Variants in NFIB observed in about 807,000 individuals in gnomAD.
NFIB encodes nuclear factor 1 B-type.
NFIB carries 11 observed loss-of-function variants against 61.5 expected under a neutral mutation model. That is an observed-to-expected ratio of 0.18 (90% confidence interval 0.11 to 0.30). NFIB has a LOEUF of 0.30. Among genes scored for constraint, NFIB ranks in the 10% least tolerant of loss-of-function variants. The pLI, the probability that NFIB is intolerant of heterozygous loss-of-function variation, is 1.00. For synonymous variants in NFIB, 260 were observed against 216.5 expected (o/e 1.20, Z -1.76); for missense variants, 471 against 608.9 (o/e 0.77, Z 2.38).
intron 2 of NFIB, among the ~76,000 whole-genome samples, chr9:14,240,966 A>G (rs1369144830): frequency 2.0e-5 from 3 of 152,222 alleles, no homozygotes; most frequent in Non-Finnish European, 2.9e-5. Flanking sequence ...GCTTATTTGC[A>G]TATCAAGTTG....
Position 14,087,545 on chromosome 9 carries a change from T to C in NFIB, c.*764A>G, listed in dbSNP as rs2118446611. ...AGGCATTTCTTCCATAGAGCCTTTG[T>C]GTTCAAACTGTTTTTTTCCTTTTTT... is the stretch of plus-strand genomic sequence containing the variant. On this transcript the variant is annotated 3_prime_UTR_variant, in exon 11 of 11. Transcript: ENST00000380953. 1 of 227,896 alleles carries C rather than the reference T, an allele frequency of 4.4e-6. No homozygotes were observed. Among genetic ancestry groups the C allele is most frequent in the South Asian group, 1.8e-4 (1 of 5,486 alleles). The allele number at this position is 227,896 out of a possible 1,614,324, so 14.1% of individuals were successfully genotyped here.
chr9:14,385,607 T>C (rs1283699605), intron 1 of NFIB, among the ~76,000 whole-genome samples: 1 of 152,138 alleles, frequency 6.6e-6, no homozygotes, highest in Non-Finnish European at 1.5e-5. Context: ...CCACCAATAT[T>C]CCTAGCAACT....
chr9:14,231,129 A>T (rs1377765512), intron 2 of NFIB, among the ~76,000 whole-genome samples: 2 of 78,184 alleles, frequency 2.6e-5, no homozygotes, highest in Admixed American at 1.5e-4. Context: ...GGAAAAAAAA[A>T]AAAAAAATAT....
the NFIB span, among the ~76,000 whole-genome samples, chr9:14,509,462 G>C: frequency 6.6e-6 from 1 of 152,138 alleles, no homozygotes; most frequent in Non-Finnish European, 1.5e-5. Flanking sequence ...GAAAAACTTA[G>C]ATCTCCCATT....
the NFIB span, among the ~76,000 whole-genome samples, chr9:14,468,274 A>T: frequency 6.6e-6 from 1 of 152,242 alleles, no homozygotes; most frequent in Non-Finnish European, 1.5e-5. Flanking sequence ...TCAAACTTAA[A>T]GGTAACCAAT....
At chr9:14,147,080 C>T (rs904239835) in intron 5 of NFIB, among the ~76,000 whole-genome samples, 2 of 152,122 alleles carry the variant, frequency 1.3e-5, no homozygotes, top group African/African-American at 4.8e-5. Context: ...AAAAATTCCA[C>T]TAATAAAAAG....
chr9:14,515,983 C>T, the NFIB span, among the ~76,000 whole-genome samples: 3 of 152,248 alleles, frequency 2.0e-5, no homozygotes, highest in Admixed American at 6.5e-5. Context: ...GGCTTCCCTC[C>T]AGGGGAGCGG....
intron 3 of NFIB, among the ~76,000 whole-genome samples, chr9:14,156,207 G>C (rs574612389): frequency 6.6e-6 from 1 of 152,184 alleles, no homozygotes; most frequent in African/African-American, 2.4e-5. Flanking sequence ...GAATGCTTTT[G>C]ACTCGGTAGC....
the NFIB span, among the ~76,000 whole-genome samples, chr9:14,468,584 T>C: frequency 2.0e-5 from 3 of 152,194 alleles, no homozygotes; most frequent in South Asian, 2.1e-4. Context: ...GCAGCTCTAA[T>C]TTGCTCCTCT....
intron 1 of NFIB, among the ~76,000 whole-genome samples, chr9:14,395,838 G>A (rs2061679126): frequency 7.3e-6 from 1 of 137,150 alleles, no homozygotes; most frequent in African/African-American, 2.7e-5. Flanking sequence ...ATCTGTTCCT[G>A]CAGGCCTTGC....
intron 1 of NFIB, among the ~76,000 whole-genome samples, chr9:14,372,653 T>A (rs2061371037): frequency 6.6e-6 from 1 of 152,200 alleles, no homozygotes; most frequent in Non-Finnish European, 1.5e-5. Flanking sequence ...TGGGCGGTTT[T>A]ACTGTGTGCT....
At chr9:14,259,307 G>C (rs879772521) in intron 2 of NFIB, among the ~76,000 whole-genome samples, 2 of 152,288 alleles carry the variant, frequency 1.3e-5, no homozygotes, top group Admixed American at 1.3e-4. Context: ...CAGATGTCTA[G>C]GAAAGAAATT....
chr9:14,360,376 C>T (rs899875598), intron 1 of NFIB, among the ~76,000 whole-genome samples: 1 of 152,088 alleles, frequency 6.6e-6, no homozygotes, highest in Non-Finnish European at 1.5e-5. Context: ...GTTCTAAATT[C>T]AAGTAATTTT....
At chr9:14,449,480 C>A in the NFIB span, among the ~76,000 whole-genome samples, 1 of 152,112 alleles carries the variant, frequency 6.6e-6, no homozygotes, top group Non-Finnish European at 1.5e-5. Flanking sequence ...ATTCTAAAGA[C>A]AGTCGGAAAT....
At chr9:14,496,951 C>A in the NFIB span, among the ~76,000 whole-genome samples, 1 of 152,178 alleles carries the variant, frequency 6.6e-6, no homozygotes, top group Non-Finnish European at 1.5e-5. Flanking sequence ...GGCATGGTCA[C>A]CAAATCAGAA....
At chr9:14,466,072 G>A in the NFIB span, among the ~76,000 whole-genome samples, 1 of 152,128 alleles carries the variant, frequency 6.6e-6, no homozygotes, top group East Asian at 1.9e-4. Flanking sequence ...GCGGCTTAGT[G>A]AGAAGCAGAA....
At chr9:14,344,227 C>T (rs749791703) in intron 1 of NFIB, among the ~76,000 whole-genome samples, 1 of 151,836 alleles carries the variant, frequency 6.6e-6, no homozygotes, top group African/African-American at 2.4e-5. Context: ...CCAAGAGAGG[C>T]ACACACAGAG....
chr9:14,505,673 G>C, the NFIB span, among the ~76,000 whole-genome samples: 10 of 152,258 alleles, frequency 6.6e-5, no homozygotes, highest in Admixed American at 6.5e-4. Context: ...CCCTTCTGTA[G>C]GACTTGGTAG....
Position 14,103,342 on chromosome 9 carries a change from TG to T in NFIB, c.1467+9656del, listed in dbSNP as rs113087111. On this transcript the variant is annotated intron_variant, in intron 10 of 10. Transcript: ENST00000380953. ...CTTAAGAAAGTAAACTTATCTGGGTTGGGGGGGGGGAAACACAGTAGAAAAT... is the reference window on the plus strand; with the variant it reads ...CTTAAGAAAGTAAACTTATCTGGGTTGGGGGGGGGAAACACAGTAGAAAAT... 5.3e-3 allele frequency among the ~76,000 whole-genome samples: 706 copies of T among 133,446 alleles called. 7 individuals are homozygous for T. Among genetic ancestry groups the T allele is most frequent in the African/African-American group, 0.016 (570 of 36,640 alleles). 87.5% of individuals were successfully genotyped at this position (133,446 alleles called of 152,430 possible).
Sources: gnomAD v4.1 joint callset for allele counts (sites outside exome capture counted in the v4.1 genomes callset) on GRCh38, gnomAD v4.1.1 for gene constraint, MANE v1.5 for transcripts, NCBI Gene and HGNC (gene_info 2026-07-23, HGNC 2026-07-21) for gene names.